The following LRRC72 variants were observed in gnomAD, a reference collection of about 807,000 sequenced individuals.
LRRC72 encodes the protein leucine rich repeat containing 72, also known as leucine-rich repeat-containing protein 72.
A neutral mutation model predicts 35.8 loss-of-function variants in LRRC72; 41 were observed. The ratio of observed to expected loss-of-function variants is 1.15; its 90% CI spans 0.89 to 1.49. LRRC72 has a LOEUF of 1.49. LRRC72 is among the 40% of genes most tolerant of loss of function. The pLI is 0.00. For synonymous variants in LRRC72, 118 were observed against 119.2 expected, an observed-to-expected ratio of 0.99 and a Z score of 0.07; for missense variants, 389 against 330.7, an observed-to-expected ratio of 1.18 and a Z score of -1.37.
At chr7:16,567,250 C>A (rs1257961719) in intron 6 of LRRC72, 141 bp from the exon 7 acceptor site, 2 of 568,162 alleles carry the variant, frequency 3.5e-6, no homozygotes, top group Non-Finnish European at 2.9e-6. Context: ...GCGTGATAGC[C>A]CCTTTACAAA....
intron 7 of LRRC72, among the ~76,000 whole-genome samples, chr7:16,573,385 A>C (rs906305943): frequency 6.6e-6 from 1 of 152,146 alleles, no homozygotes; most frequent in Non-Finnish European, 1.5e-5. Flanking sequence ...GAGGCAACAC[A>C]CTGCCTGATT....
chr7:16,573,954 CAAGA>C (rs1210536261), intron 7 of LRRC72, among the ~76,000 whole-genome samples: 1 of 151,986 alleles, frequency 6.6e-6, no homozygotes, highest in African/African-American at 2.4e-5. Context: ...AACAAATTTG[CAAGA>C]AAAACACAAC....
Position 16,557,378 on chromosome 7 carries a change from C to A in LRRC72, c.253C>A (p.Leu85Ile), listed in dbSNP as rs548865378. Residue 85 changes from leucine (L) to isoleucine (I), a missense_variant, in exon 4 of 9, where the codon CTA (leucine) becomes ATA (isoleucine). Leu to Ile is a conservative substitution (Grantham distance 5). Transcript: ENST00000401542. ...TTTTTAGCTCCATGGAATAACATTT[C>A]TAACTAGAAACTATTGTCTGACAGA... Reference protein sequence around the residue: ...HHNKLHGITFLTRNYCLTELY... With the variant: ...HHNKLHGITFITRNYCLTELY... The A allele has an allele frequency of 8.2e-5, 108 of 1,316,282 alleles. No individual in the cohort carries two copies. In the African/African-American group the frequency reaches 1.6e-3, roughly 19 times the overall value. 81.5% of individuals were successfully genotyped at this position (1,316,282 alleles called of 1,614,324 possible).
intron 3 of LRRC72, among the ~76,000 whole-genome samples, chr7:16,543,256 C>T (rs1782390610): frequency 6.6e-6 from 1 of 152,136 alleles, no homozygotes; most frequent in Admixed American, 6.5e-5. Context: ...TTGTGAAAAA[C>T]ATTGCCCTGA....
intron 3 of LRRC72, among the ~76,000 whole-genome samples, chr7:16,542,083 G>T (rs759194396): frequency 5.3e-5 from 8 of 152,224 alleles, no homozygotes; most frequent in Non-Finnish European, 4.4e-5. Flanking sequence ...GTGTTCAGTG[G>T]TGTCCAGTTT....
chr7:16,579,565 C>T (rs1490054208), intron 7 of LRRC72, among the ~76,000 whole-genome samples: 1 of 151,904 alleles, frequency 6.6e-6, no homozygotes, highest in African/African-American at 2.4e-5. Flanking sequence ...CTTGGAGCTT[C>T]AAAGCTAGGA....
At chr7:16,549,468 A>G (rs1390332100) in intron 3 of LRRC72, among the ~76,000 whole-genome samples, 1 of 152,186 alleles carries the variant, frequency 6.6e-6, no homozygotes, top group Non-Finnish European at 1.5e-5. Context: ...AACAATCAAC[A>G]ATAGAAGCAG....
intron 3 of LRRC72, among the ~76,000 whole-genome samples, chr7:16,548,813 G>A (rs961954509): frequency 1.3e-5 from 2 of 152,242 alleles, no homozygotes; most frequent in Non-Finnish European, 2.9e-5. Context: ...GAGGTTTCCA[G>A]CTGGTGAAGC....
rs118001139 is a variant in LRRC72 at position 16,544,519 on chromosome 7, T to C, written c.234+6823T>C. 1.1e-3 allele frequency among the ~76,000 whole-genome samples: 173 copies of C among 152,330 alleles called. 1 individual carries two copies. The highest frequency in any genetic ancestry group is 2.0e-3 in the Non-Finnish European group (135 of 68,030). On this transcript the variant is annotated intron_variant, in intron 3 of 8. Transcript: ENST00000401542. ...AAAGTCTCCCTTCCTCGTTTCATTC[T>C]CTAACAAGTCTGACCCAGAGAATTT...
intron 2 of LRRC72, chr7:16,532,874 T>C (rs969548289): frequency 1.4e-5 from 5 of 363,216 alleles, no homozygotes; most frequent in Non-Finnish European, 2.6e-5. Flanking sequence ...AATAAGTATA[T>C]AGGACATCCA....
intron 7 of LRRC72, among the ~76,000 whole-genome samples, chr7:16,574,298 G>T (rs1782999839): frequency 6.6e-6 from 1 of 151,954 alleles, no homozygotes; most frequent in Non-Finnish European, 1.5e-5. Context: ...CCCATTACTG[G>T]GTATATACCC....
At chr7:16,575,053 T>C (rs1026650994) in intron 7 of LRRC72, among the ~76,000 whole-genome samples, 13 of 150,078 alleles carry the variant, frequency 8.7e-5, no homozygotes, top group Non-Finnish European at 1.6e-4. Flanking sequence ...AGTTGGAGGT[T>C]GCAGTGAGGT....
chr7:16,540,913 G>A (rs1782345851), intron 3 of LRRC72, among the ~76,000 whole-genome samples: 1 of 152,152 alleles, frequency 6.6e-6, no homozygotes, highest in African/African-American at 2.4e-5. Flanking sequence ...TTATAGCAGT[G>A]TGAAAATGGA....
At chr7:16,550,161 T>G (rs1412793900) in intron 3 of LRRC72, among the ~76,000 whole-genome samples, 1 of 151,994 alleles carries the variant, frequency 6.6e-6, no homozygotes, top group African/African-American at 2.4e-5. Context: ...GAGGCTGCAG[T>G]GACTGTGATC....
intron 7 of LRRC72, among the ~76,000 whole-genome samples, chr7:16,577,070 A>G (rs941589098): frequency 5.3e-5 from 8 of 152,232 alleles, no homozygotes; most frequent in African/African-American, 1.9e-4. Flanking sequence ...TTGGGTAGCT[A>G]TGACATATCA....
chr7:16,551,492 G>A (rs1782547417), intron 3 of LRRC72, among the ~76,000 whole-genome samples: 1 of 152,144 alleles, frequency 6.6e-6, no homozygotes, highest in Admixed American at 6.5e-5. Context: ...TTAGAAGGTT[G>A]GGACTTCTGC....
At chr7:16,536,923 G>A (rs1441284877) in intron 2 of LRRC72, 2 of 152,036 alleles carry the variant, frequency 1.3e-5, no homozygotes, top group East Asian at 3.8e-4. Context: ...TTTCTGCCCT[G>A]AGAAATAAGA....
rs1782075625 is a variant in LRRC72, at chr7:16,526,872, C to A, written c.-81C>A. 9.0e-7 allele frequency: 1 copy of A among 1,112,722 alleles called. No individual in the cohort carries two copies. The highest frequency in any genetic ancestry group is 1.3e-6 in the Non-Finnish European group (1 of 761,270). The allele number at this position is 1,112,722 out of a possible 1,614,324, so 68.9% of individuals were successfully genotyped here. A position where few individuals can be genotyped will look rare whatever the true frequency, so the allele number is the denominator to read the frequency against. ...GTTGGTAACAGAACAACGAGCTGTGCACCAAGCCAAGTCTCTCTTCGGTGC... is the reference window on the plus strand; with the variant it reads ...GTTGGTAACAGAACAACGAGCTGTGAACCAAGCCAAGTCTCTCTTCGGTGC... On this transcript the variant is annotated 5_prime_UTR_variant, in exon 1 of 9. Transcript: ENST00000401542.
At chr7:16,541,971 A>G (rs1181717708) in intron 3 of LRRC72, among the ~76,000 whole-genome samples, 1 of 151,588 alleles carries the variant, frequency 6.6e-6, no homozygotes, top group Non-Finnish European at 1.5e-5. Context: ...ACACACAGCC[A>G]AAACTTGTCC....
Sources: gnomAD v4.1 joint callset for allele counts (sites outside exome capture counted in the v4.1 genomes callset) on GRCh38, gnomAD v4.1.1 for gene constraint, MANE v1.5 for transcripts, NCBI Gene and HGNC (gene_info 2026-07-23, HGNC 2026-07-21) for gene names.